The following SLC24A4 variants were observed in gnomAD, a reference collection of about 807,000 sequenced individuals.
SLC24A4 encodes the protein solute carrier family 24 member 4.
In SLC24A4, 53 loss-of-function variants were observed where a neutral mutation model predicts 79.0. The ratio of observed to expected loss-of-function variants is 0.67; its 90% confidence interval spans 0.54 to 0.84. The LOEUF is 0.84. Ranked by LOEUF, SLC24A4 falls within the 40% of genes least tolerant of loss-of-function variation. SLC24A4 has a pLI of 0.00. For missense variants in SLC24A4, 731 were observed against 822.0 expected, an observed-to-expected ratio of 0.89 and a Z score of 1.35; for synonymous variants, 323 against 323.8, an observed-to-expected ratio of 1.00 and a Z score of 0.03.
intron 2 of SLC24A4, among the ~76,000 whole-genome samples, chr14:92,430,054 G>A (rs968674884): frequency 1.3e-5 from 2 of 152,194 alleles, no homozygotes; most frequent in South Asian, 2.1e-4. Flanking sequence ...GCCTAATCCA[G>A]TGCCTGGCAC....
At chr14:92,449,907 C>T (rs191421584) in intron 10 of SLC24A4, among the ~76,000 whole-genome samples, 14 of 152,366 alleles carry the variant, frequency 9.2e-5, no homozygotes, top group African/African-American at 2.6e-4. Context: ...TTCTCTGAAT[C>T]ATCTGGGCCT....
At chr14:92,491,519 AG>A in intron 14 of SLC24A4, 145 bp from the exon 15 acceptor site, 1 of 620,550 alleles carries the variant, frequency 1.6e-6, no homozygotes, top group East Asian at 2.8e-5. Context: ...CATGGATCTG[AG>A]GCCTTATGAA....
intron 2 of SLC24A4, 77 bp downstream of exon 2, chr14:92,326,055 T>A: frequency 3.0e-6 from 3 of 1,015,144 alleles, no homozygotes; most frequent in Non-Finnish European, 3.0e-6. Flanking sequence ...TGTGGGTGGT[T>A]ACAGCCAGAG....
rs367942256 is a variant in SLC24A4 at position 92,341,173 on chromosome 14, T to C, written c.241+15195T>C. ...CTGGTGGCCTTTGTGTCTTGCTTCA[T>C]GTGTAGATGAACACCTGGGAGGGAG... is the stretch of plus-strand genomic sequence containing the variant. On this transcript the variant is annotated intron_variant, in intron 2 of 16. Transcript: ENST00000532405. Among the ~76,000 whole-genome samples, 9 of 152,220 alleles carry C rather than the reference T, an allele frequency of 5.9e-5. No individual in the cohort carries two copies. In the East Asian group the frequency reaches 1.5e-3, roughly 26 times the overall value.
At chr14:92,429,304 C>G (rs1891732716) in intron 2 of SLC24A4, among the ~76,000 whole-genome samples, 1 of 152,040 alleles carries the variant, frequency 6.6e-6, no homozygotes, top group African/African-American at 2.4e-5. Context: ...AGATACACGA[C>G]TGTAGGTGTT....
intron 5 of SLC24A4, 139 bp downstream of exon 5, chr14:92,442,312 G>T: frequency 1.5e-6 from 1 of 653,204 alleles, no homozygotes; most frequent in Non-Finnish European, 2.6e-6. Context: ...TAAGTAGACT[G>T]GTGGTTTCTT....
intron 2 of SLC24A4, among the ~76,000 whole-genome samples, chr14:92,343,645 T>TTCCCTTCTTTCC (rs1886329120): frequency 1.8e-5 from 1 of 55,226 alleles, no homozygotes; most frequent in Non-Finnish European, 4.3e-5. Context: ...TCTTTCTCTC[T>TTCCCTTCTTTCC]TTCCTTCTTT....
intron 2 of SLC24A4, among the ~76,000 whole-genome samples, chr14:92,362,247 G>A (rs183177512): frequency 6.4e-4 from 85 of 132,122 alleles, no homozygotes; most frequent in African/African-American, 2.2e-3. Context: ...TTTCCTCCCC[G>A]GCTCTTTGGG....
intron 2 of SLC24A4, among the ~76,000 whole-genome samples, chr14:92,373,064 G>T (rs1888289910): frequency 1.3e-5 from 2 of 148,174 alleles, no homozygotes; most frequent in South Asian, 4.3e-4. Context: ...GTGCAGTGAT[G>T]CGATCTTGGC....
At position 92,371,008 on chromosome 14, in the gene SLC24A4, T is replaced by C. The variant is rs190678003; in HGVS notation, c.241+45030T>C. ...AGCTGAACCTCCAATCAAGTATTGATACAAGAGATAGAAAGAAATTATTTA... is the reference window on the plus strand; with the variant it reads ...AGCTGAACCTCCAATCAAGTATTGACACAAGAGATAGAAAGAAATTATTTA... On this transcript the variant is annotated intron_variant, in intron 2 of 16. Coordinates refer to ENST00000532405, the MANE Select transcript of SLC24A4 (RefSeq NM_153646.4). Among the ~76,000 whole-genome samples, 190 of 152,318 alleles carry C rather than the reference T, an allele frequency of 1.2e-3. 2 individuals are homozygous for C. The highest frequency in any genetic ancestry group is 4.4e-3 in the African/African-American group (182 of 41,566).
intron 2 of SLC24A4, among the ~76,000 whole-genome samples, chr14:92,365,843 G>T (rs145029665): frequency 1.9e-3 from 283 of 152,304 alleles, no homozygotes; most frequent in African/African-American, 6.4e-3. Context: ...GTTGCCCAAG[G>T]TCGCATGGTG....
At chr14:92,355,574 T>C (rs1466930887) in intron 2 of SLC24A4, among the ~76,000 whole-genome samples, 1 of 152,212 alleles carries the variant, frequency 6.6e-6, no homozygotes, top group African/African-American at 2.4e-5. Flanking sequence ...TCTGGTGCTT[T>C]GAAATACCTC....
chr14:92,405,489 T>C (rs1175344160), intron 2 of SLC24A4, among the ~76,000 whole-genome samples: 1 of 152,180 alleles, frequency 6.6e-6, no homozygotes, highest in African/African-American at 2.4e-5. Context: ...TGTATTAGTC[T>C]ATTCTCACAC....
chr14:92,415,595 T>C (rs982491643), intron 2 of SLC24A4, among the ~76,000 whole-genome samples: 4 of 152,000 alleles, frequency 2.6e-5, no homozygotes, highest in African/African-American at 9.7e-5. Context: ...GTAGCTGGGA[T>C]TGTAAGCGCC....
At chr14:92,373,993 C>G (rs1457780157) in intron 2 of SLC24A4, among the ~76,000 whole-genome samples, 1 of 152,150 alleles carries the variant, frequency 6.6e-6, no homozygotes, top group Non-Finnish European at 1.5e-5. Context: ...ATAAATATAT[C>G]AGTCAGTGCA....
At chr14:92,324,032 G>T in intron 1 of SLC24A4, 72 bp downstream of exon 1, 1 of 1,545,614 alleles carries the variant, frequency 6.5e-7, no homozygotes, top group Non-Finnish European at 8.7e-7. Flanking sequence ...GGGCGGCTGC[G>T]AGATGTTTTC....
Position 92,433,924 on chromosome 14 carries a change from T to A in SLC24A4, c.254T>A (p.Phe85Tyr), listed in dbSNP as rs1566762967. The A allele has an allele frequency of 2.5e-6, 4 of 1,613,878 alleles. No homozygotes were observed. In the African/African-American group the frequency reaches 5.3e-5, roughly 22 times the overall value. ...KNCTDPAIHE[F>Y]PTDLFSNKER... is the part of the protein sequence containing the mutation. The stretch of plus-strand genomic sequence containing the variant: ...TCCTGTCTTCCAGCGATTCACGAGT[T>A]CCCCACAGATCTGTTCTCCAATAAG... Residue 85 changes from phenylalanine to tyrosine, a missense_variant, in exon 3 of 17, where the codon TTC becomes TAC. Transcript: ENST00000532405.
chr14:92,391,547 G>A (rs952766548), intron 2 of SLC24A4, among the ~76,000 whole-genome samples: 2 of 152,218 alleles, frequency 1.3e-5, no homozygotes, highest in Non-Finnish European at 2.9e-5. Context: ...CAGGGTAGGT[G>A]CAGTTGATTG....
At chr14:92,420,831 G>A (rs1891235719) in intron 2 of SLC24A4, among the ~76,000 whole-genome samples, 1 of 152,030 alleles carries the variant, frequency 6.6e-6, no homozygotes, top group Admixed American at 6.5e-5. Context: ...GGGGGGGCCT[G>A]TCCCTGAGTA....
Sources: gnomAD v4.1 joint callset for allele counts (sites outside exome capture counted in the v4.1 genomes callset) on GRCh38, gnomAD v4.1.1 for gene constraint, MANE v1.5 for transcripts, NCBI Gene and HGNC (gene_info 2026-07-23, HGNC 2026-07-21) for gene names.